Variants in PDE10A observed in about 807,000 individuals in gnomAD.
PDE10A encodes the protein cAMP and cAMP-inhibited cGMP 3',5'-cyclic phosphodiesterase 10A.
A neutral mutation model predicts 97.7 loss-of-function variants in PDE10A; 39 were observed. The ratio of observed to expected loss-of-function variants is 0.40; its 90% CI spans 0.31 to 0.52. PDE10A has a LOEUF of 0.52. Ranked by LOEUF, PDE10A falls within the 20% of genes least tolerant of loss-of-function variation. PDE10A has a pLI of 0.56. For missense variants in PDE10A, 731 were observed against 1,047.8 expected (o/e 0.70, Z 4.17); for synonymous variants, 371 against 376.8 (o/e 0.98, Z 0.18).
chr6:165,614,508 T>A (rs1583646633), intron 1 of PDE10A, among the ~76,000 whole-genome samples: 1 of 152,138 alleles, frequency 6.6e-6, no homozygotes, highest in East Asian at 1.9e-4. Flanking sequence ...ACATCTACCC[T>A]CCTGCAATGC....
At chr6:165,639,756 A>AG (rs1789041468) in intron 1 of PDE10A, among the ~76,000 whole-genome samples, 1 of 150,984 alleles carries the variant, frequency 6.6e-6, no homozygotes, top group Non-Finnish European at 1.5e-5. Context: ...AAAAAAAAAA[A>AG]AAGAGAGAGA....
At chr6:165,750,549 C>A (rs762096985) in intron 1 of PDE10A, among the ~76,000 whole-genome samples, 3 of 152,188 alleles carry the variant, frequency 2.0e-5, no homozygotes, top group East Asian at 1.9e-4. Context: ...TTTCCCCACC[C>A]GGAGAGTAAG....
intron 1 of PDE10A, among the ~76,000 whole-genome samples, chr6:165,879,485 G>A (rs1036782529): frequency 1.3e-5 from 2 of 152,162 alleles, no homozygotes; most frequent in African/African-American, 4.8e-5. Context: ...CACCCATCCT[G>A]TTGGATTAGA....
At chr6:165,868,229 T>C (rs763695259) in intron 1 of PDE10A, among the ~76,000 whole-genome samples, 35 of 151,970 alleles carry the variant, frequency 2.3e-4, no homozygotes, top group Admixed American at 5.9e-4. Context: ...AAACAAAAAA[T>C]TGCTTTCTTG....
intron 1 of PDE10A, among the ~76,000 whole-genome samples, chr6:165,647,805 G>C (rs766490398): frequency 6.6e-6 from 1 of 152,102 alleles, no homozygotes; most frequent in African/African-American, 2.4e-5. Flanking sequence ...CAGAACCCAA[G>C]GAAACAATGG....
intron 1 of PDE10A, among the ~76,000 whole-genome samples, chr6:165,921,576 G>T (rs1782753623): frequency 6.6e-6 from 1 of 152,198 alleles, no homozygotes; most frequent in African/African-American, 2.4e-5. Flanking sequence ...CACAGGCTGG[G>T]CCAGCTAAGC....
chr6:165,429,770 T>G (rs534838083), intron 9 of PDE10A, among the ~76,000 whole-genome samples: 36 of 152,190 alleles, frequency 2.4e-4, no homozygotes, highest in African/African-American at 8.4e-4. Context: ...TAAATATCTA[T>G]TATATAATTG....
intron 1 of PDE10A, among the ~76,000 whole-genome samples, chr6:165,937,672 G>T (rs1783380315): frequency 6.6e-6 from 1 of 152,192 alleles, no homozygotes; most frequent in East Asian, 1.9e-4. Flanking sequence ...TAAATTAACA[G>T]TGAACATTTT....
At chr6:165,782,171 AAGTT>A (rs1468234611) in intron 1 of PDE10A, among the ~76,000 whole-genome samples, 2 of 152,344 alleles carry the variant, frequency 1.3e-5, no homozygotes, top group East Asian at 3.9e-4. Flanking sequence ...TCTAATCACA[AAGTT>A]AGCGTGTAGC....
chr6:165,817,086 A>G (rs575082991), intron 1 of PDE10A, among the ~76,000 whole-genome samples: 28 of 152,256 alleles, frequency 1.8e-4, no homozygotes, highest in African/African-American at 5.8e-4. Context: ...GGTTAGAATC[A>G]TTGGTAACTG....
At chr6:165,521,933 A>G (rs519595) in intron 2 of PDE10A, among the ~76,000 whole-genome samples, 122,116 of 152,170 alleles carry the variant, frequency 0.8, 49,548 homozygotes, top group Non-Finnish European at 0.86. Flanking sequence ...ATATTTGTCC[A>G]TTTGTAACTA....
chr6:165,986,781 G>C (rs1226077037), intron 1 of PDE10A, among the ~76,000 whole-genome samples: 2 of 151,928 alleles, frequency 1.3e-5, no homozygotes, highest in Non-Finnish European at 2.9e-5. Context: ...CTTGGCTTGG[G>C]GGGAGGGGGG....
At chr6:165,924,595 A>G (rs905697601) in intron 1 of PDE10A, among the ~76,000 whole-genome samples, 1 of 152,198 alleles carries the variant, frequency 6.6e-6, no homozygotes, top group Non-Finnish European at 1.5e-5. Context: ...CATGGTTTCC[A>G]TGTTGCATAG....
chr6:165,338,267 T>C (rs1179967235), intron 20 of PDE10A, among the ~76,000 whole-genome samples: 1 of 152,236 alleles, frequency 6.6e-6, no homozygotes, highest in Non-Finnish European at 1.5e-5. Flanking sequence ...TATAAATCAA[T>C]TTTAAATAAA....
rs3083000 is a variant in PDE10A at position 165,656,258 on chromosome 6, T to TCACA, written c.865+5685_865+5688dup. On this transcript the variant is annotated intron_variant, in intron 1 of 21. Transcript: ENST00000539869. ...CCAACTCTCTCTCTCTCTCTCTCTC[T>TCACA]CACACACACACACACACACACACAC... Among the ~76,000 whole-genome samples the TCACA allele has an allele frequency of 6.8e-3, 878 of 129,888 alleles. 9 individuals carry two copies. Among genetic ancestry groups the TCACA allele is most frequent in the African/African-American group, 0.022 (692 of 32,024 alleles). 85.2% of individuals were successfully genotyped at this position (129,888 alleles called of 152,430 possible).
rs1169325137 is a variant in PDE10A, at chr6:165,413,476, A to G, written c.2076+25T>C. ...CCAAATTAATATTGAGTAGTAAAAA[A>G]TGGTATTTAATAAATAGTACTTACA... On this transcript the variant is annotated intron_variant, in intron 13 of 21. Transcript: ENST00000539869. The G allele has an allele frequency of 3.3e-6, 5 of 1,521,860 alleles. No homozygotes were observed. The South Asian group carries it at 6.0e-5, about 18-fold the overall frequency. 94.3% of individuals were successfully genotyped at this position (1,521,860 alleles called of 1,614,324 possible).
intron 18 of PDE10A, among the ~76,000 whole-genome samples, chr6:165,355,927 T>G (rs954632289): frequency 6.6e-6 from 1 of 152,120 alleles, no homozygotes; most frequent in Non-Finnish European, 1.5e-5. Context: ...TACTGGGTAA[T>G]TTATAAAGAA....
chr6:165,342,871 T>G (rs1319907239), intron 19 of PDE10A, among the ~76,000 whole-genome samples: 3 of 152,194 alleles, frequency 2.0e-5, no homozygotes, highest in African/African-American at 7.2e-5. Flanking sequence ...TAAAAGTCAT[T>G]TACGTGTTGT....
intron 1 of PDE10A, among the ~76,000 whole-genome samples, chr6:165,777,040 C>T (rs1470847088): frequency 3.3e-5 from 5 of 152,148 alleles, no homozygotes; most frequent in East Asian, 1.9e-4. Flanking sequence ...AAAGTGAGGG[C>T]GAGGAGAATC....
Sources: gnomAD v4.1 joint callset for allele counts (sites outside exome capture counted in the v4.1 genomes callset) on GRCh38, gnomAD v4.1.1 for gene constraint, MANE v1.5 for transcripts, NCBI Gene and HGNC (gene_info 2026-07-23, HGNC 2026-07-21) for gene names.